THSD4: variants seen among roughly 807,000 people sequenced by gnomAD.
The protein encoded by THSD4 is thrombospondin type 1 domain containing 4.
Under a neutral mutation model 119.0 loss-of-function variants are expected in THSD4, and 69 were observed. That is an observed-to-expected ratio of 0.58 (90% CI 0.48 to 0.71). The LOEUF is 0.71. Among genes scored for constraint, THSD4 ranks in the 30% least tolerant of loss-of-function variants. The pLI is 0.00. For synonymous variants in THSD4, 524 were observed against 540.4 expected (o/e 0.97, Z 0.42); for missense variants, 1,393 against 1,391.1 (o/e 1.00, Z -0.02).
At chr15:71,216,706 G>A (rs117339890) in intron 4 of THSD4, among the ~76,000 whole-genome samples, 43 of 152,350 alleles carry the variant, frequency 2.8e-4, no homozygotes, top group Non-Finnish European at 5.0e-4. Context: ...GGGAACCTGA[G>A]CACCCTCTAG....
At chr15:71,336,504 G>A (rs2045491490) in intron 6 of THSD4, among the ~76,000 whole-genome samples, 1 of 152,190 alleles carries the variant, frequency 6.6e-6, no homozygotes, top group South Asian at 2.1e-4. Context: ...TTGAAGATCA[G>A]TATCCAGAAT....
intron 7 of THSD4, among the ~76,000 whole-genome samples, chr15:71,459,575 A>C (rs1196539457): frequency 6.6e-6 from 1 of 152,194 alleles, no homozygotes; most frequent in African/African-American, 2.4e-5. Context: ...AAAGTAGAAT[A>C]TTTGAAGCAG....
intron 5 of THSD4, among the ~76,000 whole-genome samples, chr15:71,253,468 C>T (rs980478175): frequency 9.9e-5 from 15 of 151,888 alleles, no homozygotes; most frequent in African/African-American, 2.9e-4. Flanking sequence ...AGTGCAGAGG[C>T]GTGATCTCAG....
intron 4 of THSD4, among the ~76,000 whole-genome samples, chr15:71,229,158 T>C (rs1423143345): frequency 6.6e-6 from 1 of 152,244 alleles, no homozygotes; most frequent in Non-Finnish European, 1.5e-5. Context: ...TTAATATCTG[T>C]TCACACAGAC....
At chr15:71,730,832 G>A (rs1427824217) in intron 9 of THSD4, 4 of 393,088 alleles carry the variant, frequency 1.0e-5, no homozygotes, top group Non-Finnish European at 4.8e-6. Context: ...GGACAGAAAG[G>A]TTCTGCTACC....
chr15:71,457,810 G>A (rs1281306363), intron 7 of THSD4, among the ~76,000 whole-genome samples: 1 of 152,138 alleles, frequency 6.6e-6, no homozygotes, highest in Non-Finnish European at 1.5e-5. Flanking sequence ...TCTTACCTGA[G>A]GTCTTAGCAT....
chr15:71,369,883 G>A (rs1328578138), intron 6 of THSD4, among the ~76,000 whole-genome samples: 1 of 152,160 alleles, frequency 6.6e-6, no homozygotes, highest in Non-Finnish European at 1.5e-5. Flanking sequence ...ACCTCTGGTA[G>A]AATTCGGCTG....
Position 71,758,036 on chromosome 15 carries a change from C to T in THSD4, c.2550C>T (p.Cys850=). The change falls in exon 15 of 18, where the codon TGC becomes TGT. Residue 850 remains cysteine (C), a synonymous_variant. Transcript: ENST00000261862. ...CCACCCCATGTGACAACGGACCCTG[C>T]ACGGGCAAGGTGGAGTGGTTTGCCG... is the stretch of plus-strand genomic sequence containing the variant. ...AEATPCDNGP[C]TGKVEWFAGS... 6.2e-7 allele frequency: 1 copy of T among 1,606,648 alleles called. No homozygotes were observed. The highest frequency in any genetic ancestry group is 8.5e-7 in the Non-Finnish European group (1 of 1,176,370).
At chr15:71,496,323 A>T (rs1350092799) in intron 7 of THSD4, among the ~76,000 whole-genome samples, 2 of 152,194 alleles carry the variant, frequency 1.3e-5, no homozygotes, top group African/African-American at 4.8e-5. Context: ...TGTTACTGAG[A>T]TTGAGAATGG....
chr15:71,101,719 AT>A (rs570225032), intron 1 of THSD4, among the ~76,000 whole-genome samples: 99 of 144,788 alleles, frequency 6.8e-4, no homozygotes, highest in Admixed American at 6.2e-4. Context: ...TTTCTTTTTT[AT>A]TTTTTTTTTT....
intron 7 of THSD4, among the ~76,000 whole-genome samples, chr15:71,567,367 G>A (rs548553737): frequency 1.3e-5 from 2 of 152,068 alleles, no homozygotes; most frequent in East Asian, 1.9e-4. Context: ...GAAGGGAAGC[G>A]GCCTGATACA....
chr15:71,266,099 C>A (rs997958793), intron 6 of THSD4, among the ~76,000 whole-genome samples: 3 of 152,252 alleles, frequency 2.0e-5, no homozygotes, highest in African/African-American at 7.2e-5. Flanking sequence ...TCACAGCGCT[C>A]AAGCTCTGGT....
At chr15:71,230,036 G>A (rs550290825) in intron 4 of THSD4, among the ~76,000 whole-genome samples, 2 of 152,324 alleles carry the variant, frequency 1.3e-5, no homozygotes, top group East Asian at 1.9e-4. Context: ...TAGTATTAAT[G>A]TATTCAGCAG....
Position 71,520,061 on chromosome 15 carries a change from T to G in THSD4, c.1152+108238T>G, listed in dbSNP as rs373144144. Among the ~76,000 whole-genome samples, 3 of 152,336 alleles carry G rather than the reference T, an allele frequency of 2.0e-5. No individual in the cohort carries two copies. In the East Asian group the frequency reaches 5.8e-4, roughly 29 times the overall value. Reference sequence around the variant, plus strand: ...AGTGCTTTTCCTGCAATAACTTGTTTAGTCCTCTTGGTAATCCTAAACTGT... The same window carrying G: ...AGTGCTTTTCCTGCAATAACTTGTTGAGTCCTCTTGGTAATCCTAAACTGT... On this transcript the variant is annotated intron_variant, in intron 7 of 17. Coordinates refer to ENST00000261862, the MANE Select transcript of THSD4 (RefSeq NM_024817.3).
chr15:71,638,618 A>G (rs921941571), intron 7 of THSD4, among the ~76,000 whole-genome samples: 12 of 152,248 alleles, frequency 7.9e-5, no homozygotes, highest in African/African-American at 2.9e-4. Flanking sequence ...TTGAATGAAG[A>G]CATATCAGTG....
rs917424149 is a variant in THSD4 at position 71,779,749 on chromosome 15, C to A, written c.*2375C>A. 1 of 152,164 alleles carries A rather than the reference C, an allele frequency of 6.6e-6. No individual in the cohort carries two copies. The highest frequency in any genetic ancestry group is 2.4e-5 in the African/African-American group (1 of 41,432). The allele number at this position is 152,164 out of a possible 1,614,324, so 9.4% of individuals were successfully genotyped here. A position where few individuals can be genotyped will look rare whatever the true frequency, so the allele number is the denominator to read the frequency against. On this transcript the variant is annotated 3_prime_UTR_variant, in exon 18 of 18. Transcript: ENST00000261862. ...ATTCTTTAAAAGGAGAATGACCCTC[C>A]ATGGGAATGGCCAGCCTGCCAACTG...
At chr15:71,326,375 A>G (rs2045338216) in intron 6 of THSD4, among the ~76,000 whole-genome samples, 1 of 151,808 alleles carries the variant, frequency 6.6e-6, no homozygotes, top group Non-Finnish European at 1.5e-5. Context: ...GGTGGTGATG[A>G]TAACGGTGAT....
intron 7 of THSD4, among the ~76,000 whole-genome samples, chr15:71,516,357 G>A (rs935771217): frequency 1.3e-5 from 2 of 151,924 alleles, no homozygotes; most frequent in Non-Finnish European, 2.9e-5. Flanking sequence ...GTCGTGAGTG[G>A]CCCAATCACC....
chr15:71,475,153 C>T (rs2047638814), intron 7 of THSD4, among the ~76,000 whole-genome samples: 1 of 152,146 alleles, frequency 6.6e-6, no homozygotes, highest in Non-Finnish European at 1.5e-5. Context: ...ACTAATAATC[C>T]CTTTACGAAG....
Sources: allele counts gnomAD v4.1 joint callset (sites outside exome capture counted in the v4.1 genomes callset), GRCh38; gene constraint gnomAD v4.1.1; transcripts MANE v1.5; gene names NCBI Gene and HGNC (gene_info 2026-07-23, HGNC 2026-07-21).